DLC1: variants seen among roughly 807,000 people sequenced by gnomAD.
DLC1 encodes the protein rho GTPase-activating protein 7.
In DLC1, 54 loss-of-function variants were observed where a neutral mutation model predicts 140.3. That is an observed-to-expected ratio of 0.38 (90% CI 0.31 to 0.48). DLC1 has a LOEUF of 0.48. DLC1 is among the 20% of genes least tolerant of loss of function. The pLI, the probability that DLC1 is intolerant of heterozygous loss-of-function variation, is 0.96. For missense variants in DLC1, 2,536 were observed against 1,907.0 expected, an observed-to-expected ratio of 1.33 and a Z score of -6.14; for synonymous variants, 986 against 728.1, an observed-to-expected ratio of 1.35 and a Z score of -5.70.
rs118121273 is a variant in DLC1 at position 13,125,547 on chromosome 8, C to T, written c.1349-9890G>A. 3.3e-3 allele frequency among the ~76,000 whole-genome samples: 505 copies of T among 152,256 alleles called. 3 individuals carry two copies. Among genetic ancestry groups the T allele is most frequent in the Middle Eastern group, 0.01 (3 of 294 alleles). The stretch of plus-strand genomic sequence containing the variant: ...CCTCTTGAAGCTTTTCATCTTTTCT[C>T]TTTACAAATGAGGAAGCTGGTACAG... On this transcript the variant is annotated intron_variant, in intron 5 of 17. Transcript: ENST00000276297.
At chr8:13,414,077 C>T (rs1837934518) in intron 2 of DLC1, among the ~76,000 whole-genome samples, 1 of 152,084 alleles carries the variant, frequency 6.6e-6, no homozygotes, top group Non-Finnish European at 1.5e-5. Context: ...AAGCTGACAC[C>T]ACAAACACGA....
At chr8:13,118,753 A>G (rs1349482391) in intron 5 of DLC1, among the ~76,000 whole-genome samples, 5 of 152,140 alleles carry the variant, frequency 3.3e-5, no homozygotes, top group African/African-American at 4.8e-5. Flanking sequence ...CGAGTCACAC[A>G]GTTTCATTCC....
intron 5 of DLC1, among the ~76,000 whole-genome samples, chr8:13,186,635 C>G (rs1288591527): frequency 6.6e-6 from 1 of 152,186 alleles, no homozygotes; most frequent in Non-Finnish European, 1.5e-5. Flanking sequence ...TACTGACCTT[C>G]TGAAGCCTAC....
rs1240006845 is a variant in DLC1 at position 13,441,257 on chromosome 8, G to T, written c.1024-39638C>A. ...ACAAACCCACAGCCAATATTATACT[G>T]CATGGGCAAAAACTGGAAGCATTCC... On this transcript the variant is annotated intron_variant, in intron 2 of 17. Transcript: ENST00000276297. 7.9e-5 allele frequency among the ~76,000 whole-genome samples: 12 copies of T among 152,134 alleles called. 1 individual carries two copies. Among genetic ancestry groups the T allele is most frequent in the Non-Finnish European group, 1.5e-4 (10 of 68,044 alleles).
intron 5 of DLC1, among the ~76,000 whole-genome samples, chr8:13,154,701 G>T (rs1824116357): frequency 6.6e-6 from 1 of 152,350 alleles, no homozygotes; most frequent in African/African-American, 2.4e-5. Flanking sequence ...GGACGCTGAG[G>T]CCTGAGGAGG....
intron 1 of DLC1, chr8:13,584,203 C>G (rs182145327): frequency 1.3e-5 from 2 of 153,410 alleles, no homozygotes; most frequent in Non-Finnish European, 2.9e-5. Flanking sequence ...CTAGACAGTG[C>G]GAACTGCTGA....
chr8:13,567,368 G>T, intron 1 of DLC1: 4 of 1,551,672 alleles, frequency 2.6e-6, no homozygotes, highest in Non-Finnish European at 3.5e-6. Flanking sequence ...CAGTCTTATT[G>T]CACCATGAAG....
intron 1 of DLC1, among the ~76,000 whole-genome samples, chr8:13,523,787 A>G (rs909589400): frequency 6.6e-6 from 1 of 152,168 alleles, no homozygotes; most frequent in African/African-American, 2.4e-5. Context: ...CATGGTAACT[A>G]TCTGGGACCG....
intron 5 of DLC1, among the ~76,000 whole-genome samples, chr8:13,210,086 C>G (rs768538755): frequency 8.6e-5 from 13 of 151,948 alleles, no homozygotes; most frequent in Admixed American, 3.9e-4. Flanking sequence ...ATGTTTTTTT[C>G]TTACTCTCAA....
At chr8:13,438,572 A>T (rs566041421) in intron 2 of DLC1, among the ~76,000 whole-genome samples, 60 of 151,944 alleles carry the variant, frequency 3.9e-4, no homozygotes, top group African/African-American at 1.4e-3. Flanking sequence ...TGTCCCTAAG[A>T]CCTCATCTCC....
chr8:13,170,359 AT>A (rs1283556321), intron 5 of DLC1, among the ~76,000 whole-genome samples: 1 of 152,256 alleles, frequency 6.6e-6, no homozygotes, highest in Non-Finnish European at 1.5e-5. Context: ...GCAACTAGAA[AT>A]TAATAGTAGT....
chr8:13,384,159 G>A (rs930420654), intron 4 of DLC1, among the ~76,000 whole-genome samples: 1 of 152,164 alleles, frequency 6.6e-6, no homozygotes, highest in African/African-American at 2.4e-5. Context: ...TAGCAGGCAA[G>A]AGATTAATAT....
In DLC1 at chr8:13,092,017, C is replaced by T. The variant is rs538027930; in HGVS notation, c.3741-585G>A. 2.6e-5 allele frequency among the ~76,000 whole-genome samples: 4 copies of T among 152,110 alleles called. No individual in the cohort carries two copies. In the South Asian group the frequency reaches 6.2e-4, roughly 24 times the overall value. ...ATCCCAGCACTTTGGGAGGCTAAGC[C>T]GGGTGGATCATAAGGTCAGGAGCTC... is the stretch of plus-strand genomic sequence containing the variant. On this transcript the variant is annotated intron_variant, in intron 13 of 17. Transcript: ENST00000276297.
intron 1 of DLC1, among the ~76,000 whole-genome samples, chr8:13,529,358 G>C (rs569579101): frequency 1.3e-5 from 2 of 152,202 alleles, no homozygotes; most frequent in African/African-American, 4.8e-5. Flanking sequence ...ACAATAATTT[G>C]AGATTGTTTT....
At chr8:13,269,919 T>C (rs62492864) in intron 5 of DLC1, among the ~76,000 whole-genome samples, 1 of 143,652 alleles carries the variant, frequency 7.0e-6, no homozygotes. Flanking sequence ...AAAAAAAAAT[T>C]AGGTGGGCAT....
intron 4 of DLC1, among the ~76,000 whole-genome samples, chr8:13,328,695 G>A (rs879462630): frequency 6.6e-6 from 1 of 152,114 alleles, no homozygotes; most frequent in South Asian, 2.1e-4. Context: ...ACATGGGAAG[G>A]GAGTGGGCTT....
chr8:13,394,172 A>G (rs1029160094), intron 3 of DLC1, among the ~76,000 whole-genome samples: 1 of 152,206 alleles, frequency 6.6e-6, no homozygotes, highest in Non-Finnish European at 1.5e-5. Flanking sequence ...TTCAACCTCT[A>G]TGGTGACAGC....
At chr8:13,538,261 G>T (rs1337754418) in intron 1 of DLC1, among the ~76,000 whole-genome samples, 1 of 151,972 alleles carries the variant, frequency 6.6e-6, no homozygotes, top group African/African-American at 2.4e-5. Flanking sequence ...CTGATATTGA[G>T]TGTGGCTCAA....
At chr8:13,220,020 G>A (rs1240131558) in intron 5 of DLC1, among the ~76,000 whole-genome samples, 1 of 152,188 alleles carries the variant, frequency 6.6e-6, no homozygotes, top group Non-Finnish European at 1.5e-5. Context: ...GGCCTGGGAA[G>A]AGGAGGGGTT....
Sources: allele counts gnomAD v4.1 joint callset (sites outside exome capture counted in the v4.1 genomes callset), GRCh38; gene constraint gnomAD v4.1.1; transcripts MANE v1.5; gene names NCBI Gene and HGNC (gene_info 2026-07-23, HGNC 2026-07-21).